The following DLEU7 variants were observed in gnomAD, a reference collection of about 807,000 sequenced individuals.
DLEU7 encodes leukemia-associated protein 7.
DLEU7 carries 17 observed loss-of-function variants against 16.0 expected under a neutral mutation model. The observed-to-expected ratio is 1.06, with a 90% CI of 0.73 to 1.59. DLEU7 has a LOEUF of 1.59. DLEU7 is among the 40% of genes most tolerant of loss of function. The pLI is 0.00. For synonymous variants in DLEU7, 113 were observed against 139.8 expected, an observed-to-expected ratio of 0.81 and a Z score of 1.35; for missense variants, 308 against 314.9, an observed-to-expected ratio of 0.98 and a Z score of 0.17.
intron 1 of DLEU7, among the ~76,000 whole-genome samples, chr13:50,768,843 C>G (rs1875202347): frequency 6.6e-6 from 1 of 152,184 alleles, no homozygotes; most frequent in African/African-American, 2.4e-5. Flanking sequence ...AGTTCTAGAT[C>G]CTTGAGGAAT....
chr13:50,835,564 C>T (rs532603438), intron 1 of DLEU7, among the ~76,000 whole-genome samples: 49 of 152,276 alleles, frequency 3.2e-4, no homozygotes, highest in African/African-American at 1.1e-3. Context: ...CTCCCTGCAG[C>T]GTAATTGAGA....
downstream of DLEU7, chr13:50,818,434 T>G (rs946486898): frequency 3.9e-5 from 6 of 152,152 alleles, no homozygotes; most frequent in Non-Finnish European, 8.8e-5. Context: ...TCACTTTTTT[T>G]GGGTTTAGAT....
chr13:50,813,869 A>G (rs540296998), intron 1 of DLEU7, among the ~76,000 whole-genome samples: 2 of 152,254 alleles, frequency 1.3e-5, no homozygotes, highest in Non-Finnish European at 2.9e-5. Flanking sequence ...CACCACTACA[A>G]TATTTTAAGG....
chr13:50,811,086 G>A (rs1876548543), intron 1 of DLEU7, among the ~76,000 whole-genome samples: 1 of 152,164 alleles, frequency 6.6e-6, no homozygotes. Context: ...GTGTGTGCAT[G>A]CGTGGCAGCT....
chr13:50,805,005 T>C (rs1876350959), intron 1 of DLEU7, among the ~76,000 whole-genome samples: 1 of 152,136 alleles, frequency 6.6e-6, no homozygotes, highest in Admixed American at 6.6e-5. Flanking sequence ...TTATTATTTG[T>C]CTTTTTCTTT....
rs945220156 is a variant in DLEU7, at chr13:50,801,675, T to C, written c.459+41513A>G. ...TTCCAAGGAGCATATATGTAGATTC[T>C]GGAAAACTCTGATCCAACATTGAGA... On this transcript the variant is annotated intron_variant, in intron 1 of 1. Transcript: ENST00000400393. Among the ~76,000 whole-genome samples, 64 of 152,228 alleles carry C rather than the reference T, an allele frequency of 4.2e-4. 1 individual carries two copies. The highest frequency in any genetic ancestry group is 1.5e-3 in the African/African-American group (61 of 41,530).
chr13:50,775,527 G>A (rs1298501279), intron 1 of DLEU7, among the ~76,000 whole-genome samples: 2 of 152,108 alleles, frequency 1.3e-5, no homozygotes, highest in Non-Finnish European at 2.9e-5. Context: ...GAGTTTCTTG[G>A]AGTCTCATCC....
At chr13:50,777,026 G>A (rs774635129) in intron 1 of DLEU7, among the ~76,000 whole-genome samples, 1 of 152,166 alleles carries the variant, frequency 6.6e-6, no homozygotes, top group Non-Finnish European at 1.5e-5. Flanking sequence ...CATGGCACCA[G>A]TAAGCTGGAA....
intron 1 of DLEU7, among the ~76,000 whole-genome samples, chr13:50,783,964 C>T (rs1420745293): frequency 6.6e-6 from 1 of 152,208 alleles, no homozygotes; most frequent in Non-Finnish European, 1.5e-5. Context: ...ACTTACCACT[C>T]CCTGTTTTTA....
At chr13:50,742,132 C>T (rs1874267334) in intron 1 of DLEU7, among the ~76,000 whole-genome samples, 1 of 151,872 alleles carries the variant, frequency 6.6e-6, no homozygotes, top group South Asian at 2.1e-4. Flanking sequence ...CAGAATGGGA[C>T]AAGTCTGTAA....
intron 1 of DLEU7, among the ~76,000 whole-genome samples, chr13:50,729,540 A>G (rs1442129624): frequency 6.6e-6 from 1 of 151,792 alleles, no homozygotes; most frequent in East Asian, 1.9e-4. Flanking sequence ...TCCTTTAGGT[A>G]TTTACCTAAT....
At chr13:50,762,286 T>A (rs1874961745) in intron 1 of DLEU7, among the ~76,000 whole-genome samples, 1 of 152,102 alleles carries the variant, frequency 6.6e-6, no homozygotes, top group Non-Finnish European at 1.5e-5. Context: ...TTCCCAGGGT[T>A]TCTGACTATG....
intron 1 of DLEU7, among the ~76,000 whole-genome samples, chr13:50,762,010 G>T (rs1393459476): frequency 6.6e-6 from 1 of 151,796 alleles, no homozygotes; most frequent in African/African-American, 2.4e-5. Context: ...CCAAGATGGT[G>T]AAACCCCATC....
intron 1 of DLEU7, among the ~76,000 whole-genome samples, chr13:50,761,261 T>G (rs1203288159): frequency 1.3e-5 from 2 of 152,202 alleles, no homozygotes; most frequent in African/African-American, 2.4e-5. Flanking sequence ...TATAGAGCTT[T>G]AGCAGGAAGG....
At chr13:50,777,479 GGGACTC>G (rs1239878027) in intron 1 of DLEU7, among the ~76,000 whole-genome samples, 1 of 152,164 alleles carries the variant, frequency 6.6e-6, no homozygotes, top group Non-Finnish European at 1.5e-5. Context: ...CTTCAGCTTT[GGGACTC>G]GGACTGGCTT....
At chr13:50,790,544 AGAGACAGCTCT>A (rs1019059511) in intron 1 of DLEU7, among the ~76,000 whole-genome samples, 12 of 152,214 alleles carry the variant, frequency 7.9e-5, no homozygotes, top group African/African-American at 2.9e-4. Context: ...ATTCTTGTTC[AGAGACAGCTCT>A]GAGGAATCCT....
At chr13:50,743,442 A>G (rs1430207891) in intron 1 of DLEU7, among the ~76,000 whole-genome samples, 1 of 152,170 alleles carries the variant, frequency 6.6e-6, no homozygotes, top group Non-Finnish European at 1.5e-5. Context: ...CTAAGATTTA[A>G]ATCCTGGCTC....
chr13:50,747,332 CTGTGTGTGTG>C lies in DLEU7; in HGVS notation c.460-34102_460-34093del, dbSNP rs3039979. 9.5e-3 allele frequency among the ~76,000 whole-genome samples: 1,315 copies of C among 137,808 alleles called. 19 individuals carry two copies. The highest frequency in any genetic ancestry group is 0.031 in the African/African-American group (1,162 of 37,090). 90.4% of individuals were successfully genotyped at this position (137,808 alleles called of 152,430 possible). ...ATATTTTAAAAAGAAAAGAAAAACT[CTGTGTGTGTG>C]TGTGTGTGTGTGTGTGTGTGTGTGT... On this transcript the variant is annotated intron_variant, in intron 1 of 1. Coordinates refer to the DLEU7 transcript ENST00000400393.
chr13:50,780,041 G>A (rs377326581), intron 1 of DLEU7, among the ~76,000 whole-genome samples: 4 of 152,268 alleles, frequency 2.6e-5, no homozygotes, highest in African/African-American at 9.6e-5. Flanking sequence ...GTGAGTTTCT[G>A]TGTTAGTAAT....
Sources: gnomAD v4.1 joint callset for allele counts (sites outside exome capture counted in the v4.1 genomes callset) on GRCh38, gnomAD v4.1.1 for gene constraint, MANE v1.5 for transcripts, NCBI Gene and HGNC (gene_info 2026-07-23, HGNC 2026-07-21) for gene names.